SEZ6L: variants seen among roughly 807,000 people sequenced by gnomAD.
SEZ6L encodes the protein seizure related 6 homolog like.
SEZ6L carries 37 observed loss-of-function variants against 106.2 expected under a neutral mutation model. The observed-to-expected ratio is 0.35, with a 90% CI of 0.27 to 0.46. SEZ6L has a LOEUF of 0.46. Ranked by LOEUF, SEZ6L falls within the 20% of genes least tolerant of loss-of-function variation. SEZ6L has a pLI of 1.00. For missense variants in SEZ6L, 1,172 were observed against 1,332.8 expected, an observed-to-expected ratio of 0.88 and a Z score of 1.88; for synonymous variants, 541 against 570.4, an observed-to-expected ratio of 0.95 and a Z score of 0.73.
chr22:26,361,058 T>C (rs2083606132), intron 12 of SEZ6L, among the ~76,000 whole-genome samples: 1 of 152,118 alleles, frequency 6.6e-6, no homozygotes, highest in South Asian at 2.1e-4. Flanking sequence ...CAGATGAACT[T>C]TTTGTGAGTC....
intron 10 of SEZ6L, among the ~76,000 whole-genome samples, chr22:26,345,496 T>A (rs1409345709): frequency 6.6e-6 from 1 of 152,176 alleles, no homozygotes; most frequent in African/African-American, 2.4e-5. Flanking sequence ...TTTCTCCCCT[T>A]TCATCCATAG....
chr22:26,374,424 A>G (rs731276), intron 14 of SEZ6L, among the ~76,000 whole-genome samples: 73,572 of 151,816 alleles, frequency 0.48, 19,074 homozygotes, highest in East Asian at 0.94. Flanking sequence ...GAATCCAAGC[A>G]GGTGGAACTA....
chr22:26,191,582 T>A (rs1940217578), intron 1 of SEZ6L, among the ~76,000 whole-genome samples: 1 of 142,566 alleles, frequency 7.0e-6, no homozygotes, highest in Non-Finnish European at 1.5e-5. Flanking sequence ...CTGGGGCCTG[T>A]TGGAGGGTTG....
At position 26,351,508 on chromosome 22, in the gene SEZ6L, TG is replaced by T. The variant is rs2083277806; in HGVS notation, c.2599+266del. ...GTAGCCCTGGGAGCATAGTATACTT[TG>T]TTTTTTTGTTTGTTTGTTTGTTTGT... On this transcript the variant is annotated intron_variant, in intron 12 of 16. Coordinates refer to ENST00000248933, the MANE Select transcript of SEZ6L (RefSeq NM_021115.5). 2.3e-5 allele frequency: 8 copies of T among 349,576 alleles called. 1 individual carries two copies. In the South Asian group the frequency reaches 3.7e-4, roughly 16 times the overall value. The allele number at this position is 349,576 out of a possible 1,614,324, so 21.7% of individuals were successfully genotyped here.
intron 9 of SEZ6L, among the ~76,000 whole-genome samples, chr22:26,331,681 C>A (rs2082484722): frequency 6.6e-6 from 1 of 152,138 alleles, no homozygotes; most frequent in African/African-American, 2.4e-5. Context: ...GAGACAAAAT[C>A]TTTTTAAAAC....
intron 1 of SEZ6L, among the ~76,000 whole-genome samples, chr22:26,267,373 T>C (rs1377437064): frequency 2.0e-5 from 3 of 152,202 alleles, no homozygotes; most frequent in African/African-American, 7.2e-5. Context: ...GATATGGCTG[T>C]AAAATGAGTG....
chr22:26,266,032 A>G (rs1221944851), intron 1 of SEZ6L, among the ~76,000 whole-genome samples: 2 of 152,182 alleles, frequency 1.3e-5, no homozygotes, highest in Non-Finnish European at 1.5e-5. Flanking sequence ...CATCATGGAC[A>G]TGAGCTGTGT....
At chr22:26,243,877 G>T (rs1374885229) in intron 1 of SEZ6L, among the ~76,000 whole-genome samples, 1 of 151,694 alleles carries the variant, frequency 6.6e-6, no homozygotes, top group Admixed American at 6.6e-5. Flanking sequence ...AAGATGAGCA[G>T]GGAGACCTGG....
chr22:26,372,932 A>G (rs968773952), intron 13 of SEZ6L, among the ~76,000 whole-genome samples: 16 of 152,228 alleles, frequency 1.1e-4, no homozygotes, highest in Non-Finnish European at 2.4e-4. Flanking sequence ...CTCGCAATTC[A>G]TTCGTGCTTT....
chr22:26,317,092 G>A (rs563040067), intron 9 of SEZ6L, among the ~76,000 whole-genome samples: 1 of 151,966 alleles, frequency 6.6e-6, no homozygotes. Flanking sequence ...GTTTAATGTG[G>A]CTGGAGCAAA....
At chr22:26,238,443 C>T (rs1424493089) in intron 1 of SEZ6L, among the ~76,000 whole-genome samples, 2 of 152,234 alleles carry the variant, frequency 1.3e-5, no homozygotes, top group African/African-American at 4.8e-5. Context: ...ACCACTCCTT[C>T]ATCCACTTCA....
At chr22:26,306,847 C>A (rs1409930693) in intron 6 of SEZ6L, among the ~76,000 whole-genome samples, 1 of 152,094 alleles carries the variant, frequency 6.6e-6, no homozygotes, top group Non-Finnish European at 1.5e-5. Flanking sequence ...CTAGAATATT[C>A]TGGATTATTC....
intron 1 of SEZ6L, among the ~76,000 whole-genome samples, chr22:26,209,466 TATGG>T (rs71192906): frequency 0.47 from 69,252 of 148,296 alleles, 16,738 homozygotes; most frequent in Middle Eastern, 0.55. Flanking sequence ...AGGAAGGATA[TATGG>T]ATGGATGGAT....
At chr22:26,370,098 C>T (rs911913188) in intron 13 of SEZ6L, among the ~76,000 whole-genome samples, 3 of 151,818 alleles carry the variant, frequency 2.0e-5, no homozygotes, top group Non-Finnish European at 4.4e-5. Flanking sequence ...TTTTAAGAAA[C>T]CTTGGCCGGC....
chr22:26,277,504 AATGCT>A (rs1200910859), intron 1 of SEZ6L, among the ~76,000 whole-genome samples: 1 of 152,192 alleles, frequency 6.6e-6, no homozygotes, highest in African/African-American at 2.4e-5. Context: ...TTGACCTCCT[AATGCT>A]AAAGCAAACC....
chr22:26,197,073 C>T (rs1189339556), intron 1 of SEZ6L, among the ~76,000 whole-genome samples: 2 of 152,116 alleles, frequency 1.3e-5, no homozygotes, highest in African/African-American at 4.8e-5. Context: ...ATAGCTACAC[C>T]CACTTCCATA....
chr22:26,383,158 G>A lies in SEZ6L; in HGVS notation c.*2863G>A, dbSNP rs1233404054. The A allele has an allele frequency of 1.4e-5, 2 of 145,326 alleles. No individual in the cohort carries two copies. Among genetic ancestry groups the A allele is most frequent in the African/African-American group, 5.1e-5 (2 of 39,212 alleles). The allele number at this position is 145,326 out of a possible 1,614,324, so 9.0% of individuals were successfully genotyped here. On this transcript the variant is annotated 3_prime_UTR_variant, in exon 17 of 17. Transcript: ENST00000248933. ...GCCATTCTTACTTAGTTTCATAGAT[G>A]TGCTTTAACTATGATCCTTTGAAGC...
chr22:26,333,508 G>A (rs894422106), intron 9 of SEZ6L, among the ~76,000 whole-genome samples: 4 of 152,308 alleles, frequency 2.6e-5, no homozygotes, highest in South Asian at 2.1e-4. Context: ...GAGTCCAGTC[G>A]GGGTTAGGGT....
rs559068992 is a variant in SEZ6L, at chr22:26,271,301, C to T, written c.95-21105C>T. On this transcript the variant is annotated intron_variant, in intron 1 of 16. Transcript: ENST00000248933. ...CTTCATCAAAATCAGAACATTTGCA[C>T]TAAGTCTTTGTTAGTATCTATTAAA... Among the ~76,000 whole-genome samples the T allele has an allele frequency of 5.3e-5, 8 of 152,320 alleles. No individual in the cohort carries two copies. The East Asian group carries it at 1.5e-3, about 29-fold the overall frequency.
Sources: gnomAD v4.1 joint callset for allele counts (sites outside exome capture counted in the v4.1 genomes callset) on GRCh38, gnomAD v4.1.1 for gene constraint, MANE v1.5 for transcripts, NCBI Gene and HGNC (gene_info 2026-07-23, HGNC 2026-07-21) for gene names.